The following BPNT2 variants were observed in gnomAD, a reference collection of about 807,000 sequenced individuals.
BPNT2 encodes 3'(2'), 5'-bisphosphate nucleotidase 2.
BPNT2 carries 11 observed loss-of-function variants against 29.3 expected under a neutral mutation model. The observed-to-expected ratio is 0.38, with a 90% CI of 0.24 to 0.62. BPNT2 has a LOEUF of 0.62. Among genes scored for constraint, BPNT2 ranks in the 20% least tolerant of loss-of-function variants. BPNT2 has a pLI of 0.62. For missense variants in BPNT2, 459 were observed against 473.4 expected, an observed-to-expected ratio of 0.97 and a Z score of 0.28; for synonymous variants, 195 against 187.7, an observed-to-expected ratio of 1.04 and a Z score of -0.32.
At chr8:56,965,688 G>A (rs1009090435) in intron 4 of BPNT2, among the ~76,000 whole-genome samples, 2 of 152,158 alleles carry the variant, frequency 1.3e-5, no homozygotes, top group Non-Finnish European at 1.5e-5. Flanking sequence ...TACAATAGTA[G>A]AGAATATACG....
intron 3 of BPNT2, among the ~76,000 whole-genome samples, chr8:56,968,139 CCA>C (rs1383708000): frequency 6.6e-6 from 1 of 151,764 alleles, no homozygotes; most frequent in East Asian, 1.9e-4. Flanking sequence ...TGAATAAATG[CCA>C]TGAAACACAA....
At chr8:56,983,757 G>GT (rs1164052611) in intron 1 of BPNT2, among the ~76,000 whole-genome samples, 3 of 151,830 alleles carry the variant, frequency 2.0e-5, no homozygotes, top group South Asian at 2.1e-4. Flanking sequence ...GTTGTTGTTG[G>GT]TTTTTTTTAA....
intron 3 of BPNT2, among the ~76,000 whole-genome samples, chr8:56,966,704 T>C (rs1341086453): frequency 6.6e-6 from 1 of 152,186 alleles, no homozygotes; most frequent in Non-Finnish European, 1.5e-5. Context: ...TCTTTCACAG[T>C]TGTGATCCCA....
rs1452822234 is a variant in BPNT2, at chr8:56,962,295, A to C, written c.*1498T>G. 2.6e-5 allele frequency: 4 copies of C among 152,248 alleles called. No individual in the cohort carries two copies. The highest frequency in any genetic ancestry group is 9.6e-5 in the African/African-American group (4 of 41,470). The allele number at this position is 152,248 out of a possible 1,614,324, so 9.4% of individuals were successfully genotyped here. ...AGGGCTTTGGACAATGTAACATACA[A>C]ACCTAAAGTATGCACATTCCACCAG... is the stretch of plus-strand genomic sequence containing the variant. On this transcript the variant is annotated 3_prime_UTR_variant, in exon 5 of 5. Transcript: ENST00000262644.
chr8:56,966,060 C>T (rs1805942772), intron 4 of BPNT2, 131 bp downstream of exon 4: 1 of 984,652 alleles, frequency 1.0e-6, no homozygotes, highest in South Asian at 1.4e-5. Flanking sequence ...AACAGGAGAC[C>T]AAGCCTGTCT....
chr8:56,979,998 C>G, intron 2 of BPNT2, 37 bp downstream of exon 2: 1 of 1,604,090 alleles, frequency 6.2e-7, no homozygotes. Context: ...TACTACTAAA[C>G]GTCAATCAAA....
intron 1 of BPNT2, among the ~76,000 whole-genome samples, chr8:56,982,726 A>G (rs1806264965): frequency 6.6e-6 from 1 of 152,124 alleles, no homozygotes; most frequent in African/African-American, 2.4e-5. Flanking sequence ...ACTGTTAGAG[A>G]GTAGTGGAAG....
rs575000463 is a variant in BPNT2 at position 56,970,450 on chromosome 8, T to A, written c.647-4098A>T. On this transcript the variant is annotated intron_variant, in intron 3 of 4. Transcript: ENST00000262644. ...AAGACAGACCATTCTAAAGGAGAAA[T>A]GACTTAAGCTTCCCAACATCAATGT... 2.0e-5 allele frequency among the ~76,000 whole-genome samples: 3 copies of A among 152,196 alleles called. No individual in the cohort carries two copies. The South Asian group carries it at 6.2e-4, about 32-fold the overall frequency.
intron 3 of BPNT2, among the ~76,000 whole-genome samples, chr8:56,971,786 C>CCG (rs1214550529): frequency 7.0e-6 from 1 of 143,736 alleles, no homozygotes; most frequent in Non-Finnish European, 1.5e-5. Flanking sequence ...TGTACCACCC[C>CCG]CCCCCCCACA....
At chr8:56,983,965 TAAC>T (rs1479305644) in intron 1 of BPNT2, among the ~76,000 whole-genome samples, 2 of 151,936 alleles carry the variant, frequency 1.3e-5, no homozygotes, top group African/African-American at 4.8e-5. Flanking sequence ...AAACCACTCT[TAAC>T]AACAATGCCA....
chr8:56,977,390 C>T (rs1037770001), intron 3 of BPNT2, among the ~76,000 whole-genome samples: 2 of 152,168 alleles, frequency 1.3e-5, no homozygotes, highest in African/African-American at 4.8e-5. Flanking sequence ...ACTCCAATCT[C>T]TGCCTCCACC....
chr8:56,964,183 T>A, intron 4 of BPNT2, 119 bp from the exon 5 acceptor site: 1 of 666,024 alleles, frequency 1.5e-6, no homozygotes, highest in Non-Finnish European at 2.6e-6. Context: ...CTTGCTGCAG[T>A]CTCTGCAACT....
At chr8:56,980,584 G>A (rs1166036470) in intron 1 of BPNT2, among the ~76,000 whole-genome samples, 1 of 150,218 alleles carries the variant, frequency 6.7e-6, no homozygotes, top group Non-Finnish European at 1.5e-5. Flanking sequence ...ACTAGAGTTA[G>A]AAGAAAGACG....
At chr8:56,966,061 A>G (rs1805942831) in intron 4 of BPNT2, 130 bp downstream of exon 4, 1 of 989,426 alleles carries the variant, frequency 1.0e-6, no homozygotes, top group Non-Finnish European at 1.6e-6. Flanking sequence ...ACAGGAGACC[A>G]AGCCTGTCTT....
chr8:56,972,306 A>G (rs1806051811), intron 3 of BPNT2, among the ~76,000 whole-genome samples: 1 of 152,106 alleles, frequency 6.6e-6, no homozygotes, highest in Non-Finnish European at 1.5e-5. Flanking sequence ...AAGTGCTCCC[A>G]CCTAGAGAAA....
chr8:56,983,224 T>G (rs920527242), intron 1 of BPNT2, among the ~76,000 whole-genome samples: 2 of 152,144 alleles, frequency 1.3e-5, no homozygotes, highest in African/African-American at 4.8e-5. Context: ...TTGTAAGATA[T>G]AAAAACTATG....
At chr8:56,971,636 A>G (rs1019979978) in intron 3 of BPNT2, among the ~76,000 whole-genome samples, 2 of 152,228 alleles carry the variant, frequency 1.3e-5, no homozygotes, top group African/African-American at 4.8e-5. Flanking sequence ...AAAGTATAAG[A>G]AGTTAAAACT....
intron 1 of BPNT2, among the ~76,000 whole-genome samples, chr8:56,990,006 T>G (rs1440897893): frequency 1.3e-5 from 2 of 152,232 alleles, no homozygotes; most frequent in Non-Finnish European, 2.9e-5. Context: ...CTCAAAAAAG[T>G]TAAATGACTG....
intron 3 of BPNT2, among the ~76,000 whole-genome samples, chr8:56,967,634 C>T (rs536805591): frequency 6.6e-6 from 1 of 152,176 alleles, no homozygotes; most frequent in East Asian, 1.9e-4. Context: ...GGCAACAAAG[C>T]ATCAAGCAGC....
Sources: allele counts gnomAD v4.1 joint callset (sites outside exome capture counted in the v4.1 genomes callset), GRCh38; gene constraint gnomAD v4.1.1; transcripts MANE v1.5; gene names NCBI Gene and HGNC (gene_info 2026-07-23, HGNC 2026-07-21).